Variants in SMARCA2 observed in about 807,000 individuals in gnomAD.
The protein encoded by SMARCA2 is SWI/SNF related BAF chromatin remodeling complex subunit ATPase 2.
A neutral mutation model predicts 199.8 loss-of-function variants in SMARCA2; 61 were observed. The observed-to-expected ratio is 0.31, with a 90% CI of 0.25 to 0.38. SMARCA2 has a LOEUF of 0.38. Among genes scored for constraint, SMARCA2 ranks in the 10% least tolerant of loss-of-function variants. The pLI, the probability that SMARCA2 is intolerant of heterozygous loss-of-function variation, is 1.00. For synonymous variants in SMARCA2, 935 were observed against 732.0 expected (o/e 1.28, Z -4.48); for missense variants, 1,344 against 2,012.2 (o/e 0.67, Z 6.35).
intron 27 of SMARCA2, among the ~76,000 whole-genome samples, chr9:2,132,136 C>T (rs1021110933): frequency 1.3e-5 from 2 of 151,842 alleles, no homozygotes; most frequent in African/African-American, 4.8e-5. Flanking sequence ...CAGACAAATC[C>T]ATGGTGAATT....
intron 12 of SMARCA2, among the ~76,000 whole-genome samples, chr9:2,075,638 G>C (rs1821290189): frequency 6.6e-6 from 1 of 152,150 alleles, no homozygotes; most frequent in South Asian, 2.1e-4. Flanking sequence ...TTATCAGAGA[G>C]AGTAGATTTT....
At chr9:2,126,786 T>C (rs1316946805) in intron 27 of SMARCA2, among the ~76,000 whole-genome samples, 1 of 152,258 alleles carries the variant, frequency 6.6e-6, no homozygotes, top group African/African-American at 2.4e-5. Flanking sequence ...TCACATTCTC[T>C]GCAATCTCTG....
intron 27 of SMARCA2, among the ~76,000 whole-genome samples, chr9:2,137,234 C>T (rs1824235570): frequency 6.6e-6 from 1 of 152,170 alleles, no homozygotes; most frequent in Non-Finnish European, 1.5e-5. Context: ...GATACCTTTC[C>T]TCCTTGTTCA....
At chr9:2,114,432 G>A (rs938600937) in intron 24 of SMARCA2, among the ~76,000 whole-genome samples, 10 of 152,200 alleles carry the variant, frequency 6.6e-5, no homozygotes, top group African/African-American at 1.2e-4. Context: ...CAGGTGACCA[G>A]GAGACTTGTC....
At chr9:2,051,880 A>G (rs957681427) in intron 5 of SMARCA2, among the ~76,000 whole-genome samples, 9 of 152,312 alleles carry the variant, frequency 5.9e-5, no homozygotes, top group Middle Eastern at 3.4e-3. Flanking sequence ...TTTTCTTTAC[A>G]TCTTAATTGT....
intron 29 of SMARCA2, among the ~76,000 whole-genome samples, chr9:2,178,195 G>A (rs1563831839): frequency 6.6e-6 from 1 of 152,142 alleles, no homozygotes; most frequent in African/African-American, 2.4e-5. Flanking sequence ...CTTCCATGAA[G>A]AGGAGAGGTT....
rs1187341579 is a variant in SMARCA2, at chr9:2,110,834, T to C, written c.3456+417T>C. ...TACGACAACCCTGTCAGACGGTTAA[T>C]ATGATTTGAATCTTTGCAGTCAAGG... On this transcript the variant is annotated intron_variant, in intron 24 of 33. Coordinates refer to ENST00000349721, the MANE Select transcript of SMARCA2 (RefSeq NM_003070.5). This position sits in a 1 kb window ranked among gnomAD's most constrained non-coding sequence, Gnocchi z 4.8. Among the ~76,000 whole-genome samples the C allele has an allele frequency of 6.6e-6, 1 of 152,232 alleles. No individual in the cohort carries two copies. Among genetic ancestry groups the C allele is most frequent in the African/African-American group, 2.4e-5 (1 of 41,458 alleles).
At chr9:2,176,151 G>T (rs1230734967) in intron 29 of SMARCA2, among the ~76,000 whole-genome samples, 1 of 146,214 alleles carries the variant, frequency 6.8e-6, no homozygotes, top group East Asian at 2.0e-4. Context: ...AAAGTGCTGG[G>T]ATTACAGGCA....
At chr9:2,046,013 T>A (rs1363170629) in intron 4 of SMARCA2, 1 of 152,228 alleles carries the variant, frequency 6.6e-6, no homozygotes, top group Admixed American at 6.5e-5. Flanking sequence ...TGTGTTCAGT[T>A]TTTCATAATG....
intron 32 of SMARCA2, among the ~76,000 whole-genome samples, chr9:2,186,785 C>G (rs1045984150): frequency 1.3e-5 from 2 of 152,262 alleles, no homozygotes; most frequent in East Asian, 3.8e-4. Flanking sequence ...CTCGGCCTCC[C>G]AAAGTGCTGG....
intron 4 of SMARCA2, chr9:2,040,105 T>G (rs1819540578): frequency 9.4e-7 from 1 of 1,067,470 alleles, no homozygotes. Flanking sequence ...TTTCTTAACC[T>G]TAAAAGGTGG....
rs113611556 is a variant in SMARCA2 at position 2,148,184 on chromosome 9, C to G, written c.3982-13502C>G. Among the ~76,000 whole-genome samples, 279 of 151,770 alleles carry G rather than the reference C, an allele frequency of 1.8e-3. 5 individuals are homozygous for G. Among genetic ancestry groups the G allele is most frequent in the African/African-American group, 5.9e-3 (245 of 41,528 alleles). On this transcript the variant is annotated intron_variant, in intron 27 of 33. Transcript: ENST00000349721. ...GAACTAAGAACCCAATTTCTTCTCA[C>G]AGTTACATTATATTCATTTATGTAA... is the stretch of plus-strand genomic sequence containing the variant.
intron 27 of SMARCA2, among the ~76,000 whole-genome samples, chr9:2,147,663 C>G (rs761839670): frequency 6.6e-6 from 1 of 151,980 alleles, no homozygotes; most frequent in African/African-American, 2.4e-5. Flanking sequence ...CTGGCCAACA[C>G]GGCAAAACCC....
chr9:2,030,541 CTT>C (rs567112493), intron 2 of SMARCA2, among the ~76,000 whole-genome samples: 32 of 133,432 alleles, frequency 2.4e-4, no homozygotes, highest in African/African-American at 5.8e-4. Context: ...TTTCCTCTAG[CTT>C]TTTTTTTTTT....
At position 2,192,857 on chromosome 9, in the gene SMARCA2, A is replaced by C. The variant is rs1563850747; in HGVS notation, c.*118A>C. ...TTGTTTCTATATCATCATCGTCTAT[A>C]AACTAGCTTTAGGATAGTGCCAGAC... On this transcript the variant is annotated 3_prime_UTR_variant, in exon 34 of 34. Transcript: ENST00000349721. 1 of 758,942 alleles carries C rather than the reference A, an allele frequency of 1.3e-6. No homozygotes were observed. The highest frequency in any genetic ancestry group is 2.4e-6 in the Non-Finnish European group (1 of 425,474). 47.0% of individuals were successfully genotyped at this position (758,942 alleles called of 1,614,324 possible).
intron 27 of SMARCA2, chr9:2,159,796 C>T (rs964198711): frequency 1.2e-6 from 2 of 1,602,924 alleles, no homozygotes; most frequent in Admixed American, 1.7e-5. Flanking sequence ...CCCCAGCTCT[C>T]TTTTTTTTCC....
intron 23 of SMARCA2, among the ~76,000 whole-genome samples, chr9:2,108,000 A>G (rs1309786251): frequency 6.6e-6 from 1 of 152,162 alleles, no homozygotes; most frequent in African/African-American, 2.4e-5. Flanking sequence ...GCACAGGGAA[A>G]GGTGATTGGC....
At position 2,054,701 on chromosome 9, in the gene SMARCA2, G is replaced by A. The variant is rs1820272236; in HGVS notation, c.1151G>A (p.Arg384Gln). ...TKATVELKAL[R>Q]LLNFQRQLRQ... ...GCAACCGTGGAACTAAAAGCACTTC[G>A]GTTACTCAATTTCCAGCGTCAGGTA... The change falls in exon 6 of 34, where the codon CGG (arginine) becomes CAG (glutamine). Residue 384 changes from arginine to glutamine, a missense_variant. By Grantham distance (43) the Arg-to-Gln change is conservative. This residue lies in a region of SMARCA2 where 155 missense variants were observed against 260.0 expected (regional missense o/e 0.60). Transcript: ENST00000349721. 2 of 1,613,882 alleles carry A rather than the reference G, an allele frequency of 1.2e-6. No individual in the cohort carries two copies. The highest frequency in any genetic ancestry group is 1.3e-5 in the African/African-American group (1 of 74,888).
intron 32 of SMARCA2, among the ~76,000 whole-genome samples, chr9:2,190,130 T>G (rs1255010618): frequency 6.6e-6 from 1 of 152,228 alleles, no homozygotes; most frequent in Non-Finnish European, 1.5e-5. Context: ...GATATGTACC[T>G]ATATTTGTGA....
Sources: gnomAD v4.1 joint callset for allele counts (sites outside exome capture counted in the v4.1 genomes callset) on GRCh38, gnomAD v4.1.1 for gene constraint, gnomAD v4.1.1 regional missense constraint, Gnocchi (gnomAD v3.1) non-coding constraint, MANE v1.5 for transcripts, NCBI Gene and HGNC (gene_info 2026-07-23, HGNC 2026-07-21) for gene names.